The following CYB5R3 variants were observed in gnomAD, a reference collection of about 807,000 sequenced individuals.
The protein encoded by CYB5R3 is NADH-cytochrome b5 reductase 3.
Under a neutral mutation model 36.5 loss-of-function variants are expected in CYB5R3, and 28 were observed. The ratio of observed to expected loss-of-function variants is 0.77; its 90% CI spans 0.57 to 1.05. The LOEUF (loss-of-function observed/expected upper bound fraction) is 1.05. Among genes scored for constraint, CYB5R3 ranks in the 50% least tolerant of loss-of-function variants. The probability of loss-of-function intolerance (pLI) is 0.00; values close to 1 mark genes in which losing one functional copy is unlikely to be tolerated. For missense variants in CYB5R3, 474 were observed against 408.9 expected, an observed-to-expected ratio of 1.16 and a Z score of -1.37; for synonymous variants, 181 against 159.8, an observed-to-expected ratio of 1.13 and a Z score of -1.00.
chr22:42,631,403 G>C lies in CYB5R3; in HGVS notation c.201C>G (p.Pro67=). 2 of 1,551,636 alleles carry C rather than the reference G, an allele frequency of 1.3e-6. No individual in the cohort carries two copies. Among genetic ancestry groups the C allele is most frequent in the Non-Finnish European group, 1.7e-6 (2 of 1,146,974 alleles). ...TRRFRFALPS[P]QHILGLPVGQ... Reference sequence around the variant, plus strand: ...CGACAGGGAGGCCCAGGATGTGCTGGGGTGACGGCAGGGCAAAGCGGAAGC... The same window carrying C: ...CGACAGGGAGGCCCAGGATGTGCTGCGGTGACGGCAGGGCAAAGCGGAAGC... Residue 67 remains proline, a synonymous_variant, in exon 3 of 9, where the codon CCC becomes CCG. Transcript: ENST00000352397.
chr22:42,621,183 AGTGTGTGTGTGTGTGTGTGTGTGT>A (rs61564405), intron 8 of CYB5R3, among the ~76,000 whole-genome samples: 3 of 147,718 alleles, frequency 2.0e-5, no homozygotes, highest in South Asian at 2.2e-4. Context: ...ATTTCTTTTT[AGTGTGTGTGTGTGTGTGTGTGTGT>A]GTGTGTGTGT....
In CYB5R3 at chr22:42,618,370, TACTAAAAATACAAAAA is replaced by T. The variant is rs1569313267; in HGVS notation, c.*1387_*1402del. On this transcript the variant is annotated 3_prime_UTR_variant, in exon 9 of 9. Transcript: ENST00000352397. ...GGCTAAAACGGTGAAACCCCGTCTC[TACTAAAAATACAAAAA>T]ATTAGCCGGGCGTAGTGGCGGGCGC... The T allele has an allele frequency of 7.9e-5, 12 of 150,946 alleles. No individual in the cohort carries two copies. The highest frequency in any genetic ancestry group is 2.9e-4 in the African/African-American group (12 of 40,802). The allele number at this position is 150,946 out of a possible 1,614,324, so 9.4% of individuals were successfully genotyped here.
At chr22:42,629,147 G>A (rs1416844884) in intron 4 of CYB5R3, among the ~76,000 whole-genome samples, 1 of 152,136 alleles carries the variant, frequency 6.6e-6, no homozygotes, top group Non-Finnish European at 1.5e-5. Flanking sequence ...TGGCCAGAGA[G>A]ACTTCAACGT....
intron 7 of CYB5R3, 100 bp downstream of exon 7, chr22:42,627,204 C>T (rs1181616450): frequency 9.9e-7 from 1 of 1,009,534 alleles, no homozygotes; most frequent in Non-Finnish European, 1.5e-6. Context: ...TCCCCAGAAT[C>T]TCAGCAGAGC....
At chr22:42,633,555 C>T (rs867563103) in intron 2 of CYB5R3, among the ~76,000 whole-genome samples, 1 of 152,264 alleles carries the variant, frequency 6.6e-6, no homozygotes, top group Non-Finnish European at 1.5e-5. Context: ...GAGGTCGAGG[C>T]GGGCGGATCA....
chr22:42,636,015 G>C (rs1928870565), intron 2 of CYB5R3, among the ~76,000 whole-genome samples: 1 of 152,170 alleles, frequency 6.6e-6, no homozygotes, highest in Non-Finnish European at 1.5e-5. Flanking sequence ...AGGAGTTTGA[G>C]ACCAGCCTGG....
Position 42,629,299 on chromosome 22 carries a change from C to T in CYB5R3, c.334-1018G>A, listed in dbSNP as rs555521404. On this transcript the variant is annotated intron_variant, in intron 4 of 8. Coordinates refer to ENST00000352397, the MANE Select transcript of CYB5R3 (RefSeq NM_000398.7). ...CCCTCCAGCCACTTCAATCCTTGAG[C>T]CTGCTGCTGACTTCAGGGCCTTTGC... Among the ~76,000 whole-genome samples the T allele has an allele frequency of 2.8e-3, 420 of 152,270 alleles. 2 individuals are homozygous for T. The highest frequency in any genetic ancestry group is 9.6e-3 in the African/African-American group (400 of 41,554).
Position 42,649,278 on chromosome 22 carries a change from G to T in CYB5R3, c.21+17C>A. On this transcript the variant is annotated intron_variant, in intron 1 of 8. Transcript: ENST00000352397. The stretch of plus-strand genomic sequence containing the variant: ...CCTCGCGACGCCCCGCGGCCCCGGC[G>T]CCCCCTCCCCGCCTACCGTGCTGAG... The T allele has an allele frequency of 2.0e-6, 2 of 990,610 alleles. No individual in the cohort carries two copies. Among genetic ancestry groups the T allele is most frequent in the Non-Finnish European group, 2.4e-6 (2 of 824,150 alleles). 61.4% of individuals were successfully genotyped at this position (990,610 alleles called of 1,614,324 possible).
chr22:42,635,371 T>A (rs2146891509), intron 2 of CYB5R3, among the ~76,000 whole-genome samples: 1 of 152,220 alleles, frequency 6.6e-6, no homozygotes, highest in East Asian at 1.9e-4. Flanking sequence ...CCCAAAGTGC[T>A]GAGATTACAG....
At chr22:42,642,909 A>G (rs1316181018) in intron 1 of CYB5R3, among the ~76,000 whole-genome samples, 1 of 152,142 alleles carries the variant, frequency 6.6e-6, no homozygotes, top group Non-Finnish European at 1.5e-5. Flanking sequence ...TCTCCCAGCA[A>G]ATGTGCATGT....
chr22:42,623,736 G>T, intron 8 of CYB5R3, 53 bp downstream of exon 8: 2 of 1,465,786 alleles, frequency 1.4e-6, no homozygotes, highest in Non-Finnish European at 1.9e-6. Context: ...GGGCAAAGGT[G>T]AACTGTGGGC....
At chr22:42,626,760 A>G (rs1928290572) in intron 7 of CYB5R3, among the ~76,000 whole-genome samples, 1 of 152,228 alleles carries the variant, frequency 6.6e-6, no homozygotes, top group Non-Finnish European at 1.5e-5. Flanking sequence ...TCATCAGCTC[A>G]TTCTACAGAT....
In CYB5R3 at chr22:42,623,867, G is replaced by A. The variant is rs121965010; in HGVS notation, c.655C>T (p.Arg219Ter). ...TTCCTGAGTTCCTCCAGCTCAGGTC[G>A]CAGCAGGATGTCCTTCTCGGTCTGC... ...ANQTEKDILL[R>*]PELEELRNKH... Residue 219 changes from arginine (R) to a stop codon, truncating the protein, a stop_gained, in exon 8 of 9, where the codon CGA (arginine) becomes TGA (stop). Transcript: ENST00000352397. LOFTEE classifies it high-confidence loss of function. 4 of 1,614,072 alleles carry A rather than the reference G, an allele frequency of 2.5e-6. No individual in the cohort carries two copies. Among genetic ancestry groups the A allele is most frequent in the Non-Finnish European group, 3.4e-6 (4 of 1,179,952 alleles).
In CYB5R3 at chr22:42,630,909, G is replaced by T. The variant is rs771386580; in HGVS notation, c.306C>A (p.Asp102Glu). 3.1e-6 allele frequency: 5 copies of T among 1,613,922 alleles called. No individual in the cohort carries two copies. Among genetic ancestry groups the T allele is most frequent in the East Asian group, 2.2e-5 (1 of 44,884 alleles). Residue 102 changes from aspartate to glutamate, a missense_variant, in exon 4 of 9, where the codon GAC becomes GAA. Coordinates refer to ENST00000352397, the MANE Select transcript of CYB5R3 (RefSeq NM_000398.7). ...RPYTPISSDDDKGFVDLVIKV... is the reference protein window; with the variant it reads ...RPYTPISSDDEKGFVDLVIKV... ...TGATGACCAGGTCCACGAAGCCCTT[G>T]TCATCATCGCTGGAGATGGGTGTAT... is the stretch of plus-strand genomic sequence containing the variant.
intron 2 of CYB5R3, among the ~76,000 whole-genome samples, chr22:42,635,290 G>A (rs541183984): frequency 3.3e-5 from 5 of 151,766 alleles, no homozygotes; most frequent in South Asian, 4.2e-4. Flanking sequence ...ATTTTTAGTA[G>A]AGACAGAGTT....
chr22:42,634,052 G>A (rs933126074), intron 2 of CYB5R3, among the ~76,000 whole-genome samples: 1 of 152,084 alleles, frequency 6.6e-6, no homozygotes, highest in Admixed American at 6.6e-5. Flanking sequence ...GCTTACATAA[G>A]TATAAAACAT....
intron 1 of CYB5R3, 107 bp downstream of exon 1, chr22:42,649,188 G>T (rs988648102): frequency 1.2e-4 from 50 of 415,394 alleles, no homozygotes; most frequent in Non-Finnish European, 1.5e-4. Context: ...GTGCGGCCGG[G>T]TGCGGCCCGG....
intron 2 of CYB5R3, 44 bp downstream of exon 2, chr22:42,636,671 A>G (rs529794983): frequency 1.2e-6 from 2 of 1,602,518 alleles, no homozygotes; most frequent in Non-Finnish European, 1.7e-6. Context: ...GGTGCTGGGC[A>G]ATGCTGTGAT....
Position 42,630,889 on chromosome 22 carries a change from A to G in CYB5R3, c.326T>C (p.Val109Ala), listed in dbSNP as rs1168517022. The G allele has an allele frequency of 6.2e-7, 1 of 1,612,702 alleles. No individual in the cohort carries two copies. ...SDDDKGFVDL[V>A]IKVYFKDTHP... ...ATGACCCAGAGGCTTCACCTTGATG[A>G]CCAGGTCCACGAAGCCCTTGTCATC... Residue 109 changes from valine to alanine, a missense_variant, in exon 4 of 9, where the codon GTC becomes GCC. Physicochemically the swap from Val to Ala is moderately conservative, Grantham distance 64. Coordinates refer to ENST00000352397, the MANE Select transcript of CYB5R3 (RefSeq NM_000398.7).
Sources: gnomAD v4.1 joint callset for allele counts (sites outside exome capture counted in the v4.1 genomes callset) on GRCh38, gnomAD v4.1.1 for gene constraint, MANE v1.5 for transcripts, NCBI Gene and HGNC (gene_info 2026-07-23, HGNC 2026-07-21) for gene names.